Variants in OTOGL observed in about 807,000 individuals in gnomAD.
The protein encoded by OTOGL is otogelin-like protein.
In OTOGL, 285 loss-of-function variants were observed where a neutral mutation model predicts 318.5. The ratio of observed to expected loss-of-function variants is 0.89; its 90% CI spans 0.81 to 0.99. The LOEUF (loss-of-function observed/expected upper bound fraction) is 0.99, where lower values mean the gene tolerates loss of function less well. Ranked by LOEUF, OTOGL falls within the 50% of genes least tolerant of loss-of-function variation. The pLI, the probability that OTOGL is intolerant of heterozygous loss-of-function variation, is 0.00. For synonymous variants in OTOGL, 987 were observed against 936.5 expected, an observed-to-expected ratio of 1.05 and a Z score of -0.99; for missense variants, 2,899 against 2,845.6, an observed-to-expected ratio of 1.02 and a Z score of -0.43.
At chr12:80,337,779 T>C (rs989345799) in intron 42 of OTOGL, among the ~76,000 whole-genome samples, 2 of 152,078 alleles carry the variant, frequency 1.3e-5, no homozygotes, top group African/African-American at 4.8e-5. Flanking sequence ...GATTCTAGAC[T>C]GAAAAGAATA....
intron 1 of OTOGL, among the ~76,000 whole-genome samples, chr12:80,183,201 T>C (rs1875049733): frequency 1.3e-5 from 2 of 152,222 alleles, no homozygotes; most frequent in African/African-American, 4.8e-5. Context: ...AGGTAATTAC[T>C]GCAATAGCTT....
At chr12:80,224,126 A>C (rs1294566512) in intron 7 of OTOGL, among the ~76,000 whole-genome samples, 1 of 152,162 alleles carries the variant, frequency 6.6e-6, no homozygotes, top group Non-Finnish European at 1.5e-5. Context: ...ATGAGGATCC[A>C]GTTTCATTCT....
chr12:80,373,354 C>T (rs1452763168), intron 57 of OTOGL, among the ~76,000 whole-genome samples: 1 of 152,050 alleles, frequency 6.6e-6, no homozygotes, highest in Non-Finnish European at 1.5e-5. Context: ...ATCACTTGAA[C>T]CCGAGAGGCG....
chr12:80,258,087 A>T, intron 18 of OTOGL, 85 bp downstream of exon 18: 1 of 1,199,960 alleles, frequency 8.3e-7, no homozygotes, highest in Non-Finnish European at 1.1e-6. Context: ...TACTTAACTA[A>T]TAATTGCTTA....
rs777747327 is a variant in OTOGL at position 80,328,682 on chromosome 12, C to T, written c.4217C>T (p.Pro1406Leu). The T allele has an allele frequency of 6.2e-7, 1 of 1,603,774 alleles. No individual in the cohort carries two copies. The highest frequency in any genetic ancestry group is 1.1e-5 in the South Asian group (1 of 90,760). The change falls in exon 36 of 59, where the codon CCC (proline) becomes CTC (leucine). Residue 1406 changes from proline to leucine, a missense_variant. This residue lies in a region of OTOGL where 2,607 missense variants were observed against 2,524.9 expected (regional missense o/e 1.03). Transcript: ENST00000547103. The part of the protein sequence containing the change: ...KFLPPVEGCL[P>L]YCPKNMILDE... ...ATGTAAAGGGTTGAAGGATGCTTGC[C>T]CTACTGCCCTAAAAATATGATCCTT... is the stretch of plus-strand genomic sequence containing the variant.
rs79997503 is a variant in OTOGL at position 80,303,034 on chromosome 12, T to C, written c.3213+251T>C. Among the ~76,000 whole-genome samples, 239 of 152,354 alleles carry C rather than the reference T, an allele frequency of 1.6e-3. 6 individuals are homozygous for C. In the East Asian group the frequency reaches 0.039, roughly 25 times the overall value. On this transcript the variant is annotated intron_variant, in intron 28 of 58. Transcript: ENST00000547103. ...TAAGCCAGCTTTCTTCTTCTCTTTT[T>C]CTTCAGCTTAATTATGTGATCTGTT...
chr12:80,259,883 T>C (rs922675662), intron 18 of OTOGL, among the ~76,000 whole-genome samples: 1 of 152,122 alleles, frequency 6.6e-6, no homozygotes, highest in African/African-American at 2.4e-5. Context: ...GGTTCTCTCC[T>C]GCTCCTCATC....
At chr12:80,165,776 C>A (rs34474421) in intron 1 of OTOGL, among the ~76,000 whole-genome samples, 2,652 of 152,310 alleles carry the variant, frequency 0.017, 68 homozygotes, top group African/African-American at 0.057. Context: ...CTTCTCTTAC[C>A]CCTTTAGGCC....
chr12:80,118,153 C>T (rs1870275754), intron 1 of OTOGL, among the ~76,000 whole-genome samples: 1 of 152,116 alleles, frequency 6.6e-6, no homozygotes, highest in South Asian at 2.1e-4. Context: ...AAGTCACTGT[C>T]TAATTTAGGA....
rs774362283 is a variant in OTOGL at position 80,336,122 on chromosome 12, C to T, written c.4582C>T (p.Pro1528Ser). The T allele has an allele frequency of 8.8e-6, 14 of 1,595,218 alleles. No homozygotes were observed. The Admixed American group carries it at 2.2e-4, about 25-fold the overall frequency. The stretch of plus-strand genomic sequence containing the variant: ...TCAAGTGAACAGTGATATCTGCTGC[C>T]CTGAGTGGGAATGTCCTTGTAAGTT... The part of the protein sequence containing the change: ...PVQVNSDICC[P>S]EWECPCRCSM... Residue 1528 changes from proline to serine, a missense_variant, in exon 39 of 59, where the codon CCT (proline) becomes TCT (serine). Physicochemically the swap from Pro to Ser is moderately conservative, Grantham distance 74 (BLOSUM62 -1). This residue lies in a region of OTOGL where 2,607 missense variants were observed against 2,524.9 expected (regional missense o/e 1.03). Transcript: ENST00000547103.
At chr12:80,365,666 T>C (rs1592762486) in intron 52 of OTOGL, among the ~76,000 whole-genome samples, 2 of 152,250 alleles carry the variant, frequency 1.3e-5, no homozygotes, top group Middle Eastern at 6.8e-3. Context: ...AATTGTCTAA[T>C]GACTAAAGTC....
rs1467103505 is a variant in OTOGL at position 80,247,419 on chromosome 12, G to A, written c.1053-4274G>A. Among the ~76,000 whole-genome samples, 246 of 96,052 alleles carry A rather than the reference G, an allele frequency of 2.6e-3. 7 individuals are homozygous for A. Among genetic ancestry groups the A allele is most frequent in the African/African-American group, 0.013 (234 of 18,400 alleles). The allele number at this position is 96,052 out of a possible 152,430, so 63.0% of individuals were successfully genotyped here. A position where few individuals can be genotyped will look rare whatever the true frequency, so the allele number is the denominator to read the frequency against. On this transcript the variant is annotated intron_variant, in intron 11 of 58. Transcript: ENST00000547103. Reference sequence around the variant, plus strand: ...TTTATTTCTGCCTTCATTTCGTTATGTACCCAGTAGTCATTCAGGAGCAGG... The same window carrying A: ...TTTATTTCTGCCTTCATTTCGTTATATACCCAGTAGTCATTCAGGAGCAGG...
chr12:80,108,965 T>G (rs899196360), intron 1 of OTOGL, among the ~76,000 whole-genome samples: 1 of 136,134 alleles, frequency 7.3e-6, no homozygotes, highest in African/African-American at 2.7e-5. Flanking sequence ...CACACACACA[T>G]ATATAATTTA....
At chr12:80,335,463 A>G (rs1472784096) in intron 38 of OTOGL, among the ~76,000 whole-genome samples, 1 of 152,082 alleles carries the variant, frequency 6.6e-6, no homozygotes, top group African/African-American at 2.4e-5. Flanking sequence ...TTATTTGTTT[A>G]CCTAGACATT....
At chr12:80,367,364 A>G (rs1033821303) in intron 53 of OTOGL, among the ~76,000 whole-genome samples, 197 bp from the exon 54 acceptor site, 1 of 152,020 alleles carries the variant, frequency 6.6e-6, no homozygotes, top group Admixed American at 6.6e-5. Context: ...ATGAATTTTT[A>G]TTTTATGTTA....
Position 80,103,340 on chromosome 12 carries a change from C to T in OTOGL, c.-20+3735C>T, listed in dbSNP as rs536767466. ...CAAAGGGATTAAACTTCATTTTGGCCGCTCCCGCTTCGGTGATCGATCTTC... is the reference window on the plus strand; with the variant it reads ...CAAAGGGATTAAACTTCATTTTGGCTGCTCCCGCTTCGGTGATCGATCTTC... On this transcript the variant is annotated intron_variant, in intron 1 of 58. Transcript: ENST00000547103. The T allele has an allele frequency of 3.0e-5, 44 of 1,455,972 alleles. 1 individual carries two copies. In the East Asian group the frequency reaches 8.4e-4, roughly 28 times the overall value. 90.2% of individuals were successfully genotyped at this position (1,455,972 alleles called of 1,614,324 possible). A position where few individuals can be genotyped will look rare whatever the true frequency, so the allele number is the denominator to read the frequency against.
chr12:80,350,871 G>T (rs1889498817), intron 44 of OTOGL, among the ~76,000 whole-genome samples: 2 of 152,066 alleles, frequency 1.3e-5, no homozygotes, highest in South Asian at 4.2e-4. Context: ...TTACTACATT[G>T]ATTGTTTACT....
intron 1 of OTOGL, among the ~76,000 whole-genome samples, chr12:80,141,813 T>C (rs1306213849): frequency 1.3e-5 from 2 of 152,170 alleles, no homozygotes; most frequent in Admixed American, 6.6e-5. Flanking sequence ...GATTGATAAG[T>C]ATGATTTTCT....
At chr12:80,346,278 C>T (rs1471450718) in intron 44 of OTOGL, among the ~76,000 whole-genome samples, 1 of 152,042 alleles carries the variant, frequency 6.6e-6, no homozygotes, top group Non-Finnish European at 1.5e-5. Flanking sequence ...ATAGTGACTT[C>T]TTTGGGCTGA....
Sources: allele counts gnomAD v4.1 joint callset (sites outside exome capture counted in the v4.1 genomes callset), GRCh38; gene constraint gnomAD v4.1.1; regional missense constraint gnomAD v4.1.1; transcripts MANE v1.5; gene names NCBI Gene and HGNC (gene_info 2026-07-23, HGNC 2026-07-21).